The following NXPH1 variants were observed in gnomAD, a reference collection of about 807,000 sequenced individuals.
NXPH1 encodes neurexophilin-1.
A neutral mutation model predicts 23.7 loss-of-function variants in NXPH1; 5 were observed. That is an observed-to-expected ratio of 0.21 (90% CI 0.11 to 0.44). The LOEUF is 0.44. NXPH1 is among the 20% of genes least tolerant of loss of function. The pLI, the probability that NXPH1 is intolerant of heterozygous loss-of-function variation, is 0.99. For missense variants in NXPH1, 324 were observed against 321.6 expected (o/e 1.01, Z -0.06); for synonymous variants, 144 against 122.2 (o/e 1.18, Z -1.18).
chr7:8,451,163 T>C (rs937167158), intron 2 of NXPH1, among the ~76,000 whole-genome samples: 1 of 151,970 alleles, frequency 6.6e-6, no homozygotes, highest in African/African-American at 2.4e-5. Context: ...TTTTTTCTTA[T>C]AGATCCCTTA....
At chr7:8,653,587 A>G (rs576243936) in intron 2 of NXPH1, among the ~76,000 whole-genome samples, 3 of 152,208 alleles carry the variant, frequency 2.0e-5, no homozygotes, top group African/African-American at 4.8e-5. Flanking sequence ...ACCTTTTTCA[A>G]TTATGGTAAT....
Position 8,713,189 on chromosome 7 carries a change from T to C in NXPH1, c.55-37819T>C, listed in dbSNP as rs1351192822. ...ATTTTCAAATAGCCTATCTTCAAGC[T>C]CACCAATCCTTTATTCTGTTTGATC... On this transcript the variant is annotated intron_variant, in intron 2 of 2. Transcript: ENST00000405863. 2.0e-5 allele frequency among the ~76,000 whole-genome samples: 3 copies of C among 152,190 alleles called. No individual in the cohort carries two copies. In the East Asian group the frequency reaches 5.8e-4, roughly 29 times the overall value.
chr7:8,670,019 T>A (rs116528178), intron 2 of NXPH1, among the ~76,000 whole-genome samples: 2,155 of 152,296 alleles, frequency 0.014, 48 homozygotes, highest in African/African-American at 0.048. Flanking sequence ...CTTCAGTTGT[T>A]AAGGATTTAG....
chr7:8,610,995 C>G (rs1373567611), intron 2 of NXPH1, among the ~76,000 whole-genome samples: 4 of 152,102 alleles, frequency 2.6e-5, no homozygotes, highest in Non-Finnish European at 5.9e-5. Context: ...AGCACTGGGT[C>G]TGGATAATAG....
intron 2 of NXPH1, among the ~76,000 whole-genome samples, chr7:8,616,450 C>G (rs1819740298): frequency 6.6e-6 from 1 of 152,042 alleles, no homozygotes; most frequent in African/African-American, 2.4e-5. Context: ...TCTCCCTCGT[C>G]ATCTCGACTC....
intron 2 of NXPH1, among the ~76,000 whole-genome samples, chr7:8,631,166 C>T (rs1197712176): frequency 1.3e-5 from 2 of 152,080 alleles, no homozygotes; most frequent in African/African-American, 2.4e-5. Context: ...TTTTCTTTAT[C>T]CAGTCTATCA....
At chr7:8,450,835 A>G (rs138788162) in intron 2 of NXPH1, among the ~76,000 whole-genome samples, 33 of 152,366 alleles carry the variant, frequency 2.2e-4, no homozygotes, top group African/African-American at 7.2e-4. Flanking sequence ...CATTGGCTCA[A>G]TAGATAATAA....
rs556649912 is a variant in NXPH1 at position 8,526,242 on chromosome 7, T to A, written c.54+90475T>A. Reference sequence around the variant, plus strand: ...CTGGATTTTGGACTTGCATGGGCCCTGTAATCCCTTTGTTTTGTCCAATTC... The same window carrying A: ...CTGGATTTTGGACTTGCATGGGCCCAGTAATCCCTTTGTTTTGTCCAATTC... On this transcript the variant is annotated intron_variant, in intron 2 of 2. Transcript: ENST00000405863. 2.6e-5 allele frequency among the ~76,000 whole-genome samples: 4 copies of A among 152,364 alleles called. No individual in the cohort carries two copies. In the South Asian group the frequency reaches 8.3e-4, roughly 32 times the overall value.
At chr7:8,727,975 G>T (rs1258311594) in intron 2 of NXPH1, among the ~76,000 whole-genome samples, 3 of 151,442 alleles carry the variant, frequency 2.0e-5, no homozygotes, top group Non-Finnish European at 4.4e-5. Flanking sequence ...CATGAGCATG[G>T]AATGTTCTTC....
intron 2 of NXPH1, among the ~76,000 whole-genome samples, chr7:8,569,522 GACTT>G: frequency 6.6e-6 from 1 of 151,900 alleles, no homozygotes. Context: ...TAATATTTGG[GACTT>G]ACTTTAAAGC....
chr7:8,668,446 T>A (rs112942825), intron 2 of NXPH1, among the ~76,000 whole-genome samples: 3,792 of 152,296 alleles, frequency 0.025, 96 homozygotes, highest in African/African-American at 0.062. Flanking sequence ...GGAGTTCTCA[T>A]GCAAGCTTAT....
intron 2 of NXPH1, among the ~76,000 whole-genome samples, chr7:8,683,621 T>A (rs1056124713): frequency 6.6e-6 from 1 of 152,216 alleles, no homozygotes; most frequent in Non-Finnish European, 1.5e-5. Context: ...TCTAAATATC[T>A]TTAATTTAAA....
At chr7:8,532,578 C>T (rs1204824859) in intron 2 of NXPH1, among the ~76,000 whole-genome samples, 5 of 151,774 alleles carry the variant, frequency 3.3e-5, no homozygotes, top group African/African-American at 1.2e-4. Flanking sequence ...TGACAGAAAG[C>T]GACTTTCCTA....
intron 2 of NXPH1, among the ~76,000 whole-genome samples, chr7:8,446,016 G>A (rs1816397725): frequency 6.6e-6 from 1 of 152,154 alleles, no homozygotes; most frequent in Non-Finnish European, 1.5e-5. Context: ...TGTTATTAGA[G>A]GCCCATAGGT....
At chr7:8,655,451 T>TACACACACACACAC (rs71017603) in intron 2 of NXPH1, among the ~76,000 whole-genome samples, 1 of 139,098 alleles carries the variant, frequency 7.2e-6, no homozygotes, top group African/African-American at 2.8e-5. Context: ...TCTCTCTCTA[T>TACACACACACACAC]ACACACACAC....
intron 2 of NXPH1, among the ~76,000 whole-genome samples, chr7:8,506,607 A>G (rs1817527543): frequency 6.6e-6 from 1 of 152,036 alleles, no homozygotes; most frequent in Admixed American, 6.6e-5. Flanking sequence ...GTTTGATGAG[A>G]AAATACAGCA....
At chr7:8,737,576 A>T (rs1780283831) in intron 2 of NXPH1, among the ~76,000 whole-genome samples, 1 of 151,962 alleles carries the variant, frequency 6.6e-6, no homozygotes, top group Non-Finnish European at 1.5e-5. Flanking sequence ...TTTTTCCTTC[A>T]TTTCAACCTT....
intron 2 of NXPH1, among the ~76,000 whole-genome samples, chr7:8,577,131 T>C (rs1026030088): frequency 1.3e-5 from 2 of 152,186 alleles, no homozygotes; most frequent in Non-Finnish European, 2.9e-5. Context: ...CCTGTATTGT[T>C]TAATGTATTT....
intron 2 of NXPH1, among the ~76,000 whole-genome samples, chr7:8,643,704 A>G (rs1820353045): frequency 6.6e-6 from 1 of 152,152 alleles, no homozygotes; most frequent in Non-Finnish European, 1.5e-5. Context: ...ATTTAACTGA[A>G]CAAAACTTTT....
Sources: gnomAD v4.1 joint callset for allele counts (sites outside exome capture counted in the v4.1 genomes callset) on GRCh38, gnomAD v4.1.1 for gene constraint, MANE v1.5 for transcripts, NCBI Gene and HGNC (gene_info 2026-07-23, HGNC 2026-07-21) for gene names.